Variants in ADAMTSL1 observed in about 807,000 individuals in gnomAD.
The protein encoded by ADAMTSL1 is ADAMTS like 1, also known as ADAMTS-like protein 1.
A neutral mutation model predicts 201.8 loss-of-function variants in ADAMTSL1; 126 were observed. That is an observed-to-expected ratio of 0.62 (90% CI 0.54 to 0.72). The LOEUF (loss-of-function observed/expected upper bound fraction) is 0.72, where lower values mean the gene tolerates loss of function less well. ADAMTSL1 is among the 30% of genes least tolerant of loss of function. The pLI is 0.00. For missense variants in ADAMTSL1, 2,679 were observed against 2,277.8 expected (o/e 1.18, Z -3.59); for synonymous variants, 1,121 against 903.4 (o/e 1.24, Z -4.32).
Position 18,648,540 on chromosome 9 carries a change from C to T in ADAMTSL1, c.835-9099C>T, listed in dbSNP as rs558858478. ...GCGGCTGGTACCGGTTGTTCCTTTC[C>T]ATGTTTAGCACTTCCTTCAGGAGCT... On this transcript the variant is annotated intron_variant, in intron 7 of 28. Transcript: ENST00000380548. 7.3e-3 allele frequency among the ~76,000 whole-genome samples: 1,106 copies of T among 151,540 alleles called. 7 individuals carry two copies. The highest frequency in any genetic ancestry group is 0.031 in the South Asian group (149 of 4,788).
intron 9 of ADAMTSL1, among the ~76,000 whole-genome samples, chr9:18,673,851 A>G (rs898658323): frequency 5.9e-5 from 9 of 152,196 alleles, no homozygotes; most frequent in African/African-American, 1.9e-4. Context: ...ATTGACTACT[A>G]TTAGATAACA....
intron 23 of ADAMTSL1, among the ~76,000 whole-genome samples, chr9:18,869,084 C>G (rs1371540189): frequency 1.3e-5 from 2 of 152,202 alleles, no homozygotes; most frequent in Non-Finnish European, 2.9e-5. Flanking sequence ...AGGCAGAACT[C>G]CATGTGAACA....
At chr9:18,905,280 T>A (rs1372151511) in intron 26 of ADAMTSL1, among the ~76,000 whole-genome samples, 2 of 152,186 alleles carry the variant, frequency 1.3e-5, no homozygotes, top group South Asian at 2.1e-4. Flanking sequence ...GAGGGAGGAC[T>A]CTGCATACCT....
At chr9:18,693,677 T>C (rs1347540945) in intron 13 of ADAMTSL1, among the ~76,000 whole-genome samples, 1 of 152,252 alleles carries the variant, frequency 6.6e-6, no homozygotes, top group Non-Finnish European at 1.5e-5. Flanking sequence ...CTTCTGTTTA[T>C]CAATCCATTT....
At chr9:18,733,639 A>ACC in intron 15 of ADAMTSL1, among the ~76,000 whole-genome samples, 1 of 88,584 alleles carries the variant, frequency 1.1e-5, no homozygotes, top group Non-Finnish European at 2.4e-5. Context: ...CCCCCCACAC[A>ACC]CACACTCACT....
intron 23 of ADAMTSL1, among the ~76,000 whole-genome samples, chr9:18,881,924 G>T (rs1406755901): frequency 6.6e-6 from 1 of 152,166 alleles, no homozygotes; most frequent in Non-Finnish European, 1.5e-5. Context: ...GGGAGGCCCT[G>T]GGAACAAGAC....
intron 2 of ADAMTSL1, among the ~76,000 whole-genome samples, chr9:18,384,069 T>A (rs1467036900): frequency 6.6e-6 from 1 of 152,170 alleles, no homozygotes; most frequent in African/African-American, 2.4e-5. Flanking sequence ...CACACTGCTA[T>A]AAAGACATAC....
At chr9:18,765,600 A>C (rs924264659) in intron 16 of ADAMTSL1, among the ~76,000 whole-genome samples, 1 of 152,212 alleles carries the variant, frequency 6.6e-6, no homozygotes, top group African/African-American at 2.4e-5. Flanking sequence ...GAAACAAACA[A>C]ATAATTAATT....
intron 1 of ADAMTSL1, among the ~76,000 whole-genome samples, chr9:17,971,467 G>C (rs1818203227): frequency 6.6e-6 from 1 of 151,978 alleles, no homozygotes; most frequent in South Asian, 2.1e-4. Flanking sequence ...AGCAATCATA[G>C]CTAATTAGAA....
intron 1 of ADAMTSL1, among the ~76,000 whole-genome samples, chr9:17,907,763 G>C (rs1463674904): frequency 2.6e-5 from 4 of 152,190 alleles, no homozygotes; most frequent in East Asian, 1.9e-4. Context: ...GTCAAACTCA[G>C]AATGCCTGCG....
chr9:18,554,078 A>G (rs188659645), intron 3 of ADAMTSL1, among the ~76,000 whole-genome samples: 2 of 151,660 alleles, frequency 1.3e-5, no homozygotes, highest in Admixed American at 1.3e-4. Context: ...TCATTTAACA[A>G]TATCTCTTCC....
intron 2 of ADAMTSL1, among the ~76,000 whole-genome samples, chr9:18,302,249 A>G (rs1833735359): frequency 6.6e-6 from 1 of 152,114 alleles, no homozygotes; most frequent in South Asian, 2.1e-4. Context: ...ACCTGGGAGC[A>G]TTTTCAAATT....
chr9:18,843,287 C>G (rs1825853710), intron 23 of ADAMTSL1, among the ~76,000 whole-genome samples: 2 of 150,720 alleles, frequency 1.3e-5, no homozygotes, highest in Admixed American at 1.3e-4. Context: ...TTCTCCTTCA[C>G]TTATGAAGCT....
At position 18,776,266 on chromosome 9, in the gene ADAMTSL1, G is replaced by A. The variant is rs114300705; in HGVS notation, c.2551+370G>A. Among the ~76,000 whole-genome samples, 751 of 152,268 alleles carry A rather than the reference G, an allele frequency of 4.9e-3. 2 individuals carry two copies. Among genetic ancestry groups the A allele is most frequent in the African/African-American group, 0.014 (571 of 41,560 alleles). On this transcript the variant is annotated intron_variant, in intron 18 of 28. Coordinates refer to ENST00000380548, the MANE Select transcript of ADAMTSL1 (RefSeq NM_001040272.6). The stretch of plus-strand genomic sequence containing the variant: ...CTGTTTAATATTAATCCCTAGAGCC[G>A]CAACACTTCTAGGCTGTCCTTACCA...
At chr9:18,067,340 C>A (rs1436731972) in intron 1 of ADAMTSL1, among the ~76,000 whole-genome samples, 1 of 152,080 alleles carries the variant, frequency 6.6e-6, no homozygotes, top group Non-Finnish European at 1.5e-5. Flanking sequence ...ATGCATGGAA[C>A]AATACCTGGC....
intron 1 of ADAMTSL1, among the ~76,000 whole-genome samples, chr9:18,012,126 A>T (rs1245882366): frequency 6.6e-6 from 1 of 152,032 alleles, no homozygotes; most frequent in Non-Finnish European, 1.5e-5. Flanking sequence ...TTACATTCAT[A>T]AAAACTTGTC....
intron 1 of ADAMTSL1, among the ~76,000 whole-genome samples, chr9:18,016,196 A>G (rs1175241946): frequency 6.6e-6 from 1 of 152,042 alleles, no homozygotes; most frequent in Non-Finnish European, 1.5e-5. Flanking sequence ...TCTAGTGAAA[A>G]CAGAAACACA....
At chr9:18,002,423 G>A (rs1325547810) in intron 1 of ADAMTSL1, among the ~76,000 whole-genome samples, 1 of 151,918 alleles carries the variant, frequency 6.6e-6, no homozygotes, top group Non-Finnish European at 1.5e-5. Context: ...TACCTTAAAG[G>A]GCTATGATAG....
chr9:18,881,898 C>T (rs568307088), intron 23 of ADAMTSL1, among the ~76,000 whole-genome samples: 104 of 152,214 alleles, frequency 6.8e-4, no homozygotes, highest in African/African-American at 2.0e-3. Flanking sequence ...CTCATCTGCA[C>T]GAGGAATAGC....
Sources: gnomAD v4.1 joint callset for allele counts (sites outside exome capture counted in the v4.1 genomes callset) on GRCh38, gnomAD v4.1.1 for gene constraint, MANE v1.5 for transcripts, NCBI Gene and HGNC (gene_info 2026-07-23, HGNC 2026-07-21) for gene names.